RASAL2: variants seen among roughly 807,000 people sequenced by gnomAD.
The protein encoded by RASAL2 is ras GTPase-activating protein nGAP.
In RASAL2, 58 loss-of-function variants were observed where a neutral mutation model predicts 128.9. The ratio of observed to expected loss-of-function variants is 0.45; its 90% CI spans 0.36 to 0.56. The LOEUF (loss-of-function observed/expected upper bound fraction) is 0.56, where lower values mean the gene tolerates loss of function less well. Among genes scored for constraint, RASAL2 ranks in the 20% least tolerant of loss-of-function variants. The pLI is 0.00. For synonymous variants in RASAL2, 561 were observed against 580.8 expected (o/e 0.97, Z 0.49); for missense variants, 1,360 against 1,601.6 (o/e 0.85, Z 2.57).
At position 178,458,389 on chromosome 1, in the gene RASAL2, G is replaced by A; in HGVS notation, c.3097G>A (p.Ala1033Thr). 6.2e-7 allele frequency: 1 copy of A among 1,614,224 alleles called. No individual in the cohort carries two copies. Among genetic ancestry groups the A allele is most frequent in the South Asian group, 1.1e-5 (1 of 91,082 alleles). ...AGCCCCACCATCCCTGCCACACAGT[G>A]CTTCTTTACGTAGCACCGGGAGCAT... ...AKAPPSLPHSASLRSTGSMSV... is the reference protein window; with the variant it reads ...AKAPPSLPHSTSLRSTGSMSV... Residue 1033 changes from alanine to threonine, a missense_variant, in exon 14 of 18, where the codon GCT (alanine) becomes ACT (threonine). Ala to Thr is a moderately conservative substitution (Grantham distance 58). This residue lies in a region of RASAL2 where 741 missense variants were observed against 868.6 expected (regional missense o/e 0.85). Coordinates refer to ENST00000367649, the MANE Select transcript of RASAL2 (RefSeq NM_170692.4).
chr1:178,205,904 T>G (rs1297058978), intron 1 of RASAL2, among the ~76,000 whole-genome samples: 1 of 152,202 alleles, frequency 6.6e-6, no homozygotes, highest in East Asian at 1.9e-4. Flanking sequence ...ATTTCCTAGC[T>G]GATAAATCTA....
At chr1:178,235,248 A>T (rs1664180394) in intron 1 of RASAL2, among the ~76,000 whole-genome samples, 1 of 152,220 alleles carries the variant, frequency 6.6e-6, no homozygotes, top group Non-Finnish European at 1.5e-5. Flanking sequence ...AATGGTTAGC[A>T]TGTGTGCATT....
intron 3 of RASAL2, among the ~76,000 whole-genome samples, chr1:178,373,274 C>CTTATTTTTTTTT (rs1671814280): frequency 1.7e-5 from 1 of 60,072 alleles, no homozygotes; most frequent in Admixed American, 2.3e-4. Flanking sequence ...TGTTTCTTTC[C>CTTATTTTTTTTT]TTTTTTTTTT....
intron 3 of RASAL2, among the ~76,000 whole-genome samples, chr1:178,323,414 T>TA (rs1392837678): frequency 6.6e-6 from 1 of 152,228 alleles, no homozygotes; most frequent in Non-Finnish European, 1.5e-5. Flanking sequence ...AATTTTTTTT[T>TA]ATCCTGAAGG....
At chr1:178,119,857 T>A (rs540277132) in intron 1 of RASAL2, among the ~76,000 whole-genome samples, 2 of 152,188 alleles carry the variant, frequency 1.3e-5, no homozygotes, top group Non-Finnish European at 2.9e-5. Flanking sequence ...CATCTAGTTA[T>A]GGTGCTAGCC....
chr1:178,293,472 G>A (rs1346653776), intron 2 of RASAL2, among the ~76,000 whole-genome samples: 2 of 152,194 alleles, frequency 1.3e-5, no homozygotes, highest in African/African-American at 4.8e-5. Flanking sequence ...AGATCTAAAA[G>A]CTTGAGTGGC....
intron 1 of RASAL2, among the ~76,000 whole-genome samples, chr1:178,136,245 G>A (rs545164321): frequency 1.5e-4 from 23 of 152,228 alleles, no homozygotes; most frequent in Non-Finnish European, 3.1e-4. Context: ...CTTTCAAACA[G>A]AGAGGCAATA....
chr1:178,170,996 A>G (rs770131259), intron 1 of RASAL2, among the ~76,000 whole-genome samples: 6 of 151,846 alleles, frequency 4.0e-5, no homozygotes, highest in Non-Finnish European at 8.8e-5. Context: ...TTCTTGGCAT[A>G]TGCTCTTAAT....
chr1:178,374,981 A>G (rs1186491593), intron 3 of RASAL2, among the ~76,000 whole-genome samples: 1 of 152,168 alleles, frequency 6.6e-6, no homozygotes, highest in African/African-American at 2.4e-5. Flanking sequence ...AACATGAACT[A>G]CGCACAAGTT....
At chr1:178,456,938 A>G (rs747855558) in intron 13 of RASAL2, 39 bp downstream of exon 13, 1 of 1,582,726 alleles carries the variant, frequency 6.3e-7, no homozygotes, top group Non-Finnish European at 8.6e-7. Context: ...TCGGAGAAAC[A>G]TAATGTTTAG....
intron 1 of RASAL2, among the ~76,000 whole-genome samples, chr1:178,277,194 T>TTAATATGA (rs972958118): frequency 5.3e-5 from 8 of 150,534 alleles, no homozygotes; most frequent in African/African-American, 2.0e-4. Flanking sequence ...AATTGGCCTA[T>TTAATATGA]TAATATGATA....
chr1:178,110,650 A>ATATATATATATATATATATATATATG (rs68137228), intron 1 of RASAL2, among the ~76,000 whole-genome samples: 3 of 139,158 alleles, frequency 2.2e-5, no homozygotes, highest in Admixed American at 7.3e-5. Flanking sequence ...ATATATATAT[A>ATATATATATATATATATATATATATG]TATGTATGTA....
chr1:178,308,190 T>C (rs1668082334), intron 3 of RASAL2, among the ~76,000 whole-genome samples: 1 of 152,146 alleles, frequency 6.6e-6, no homozygotes, highest in South Asian at 2.1e-4. Context: ...TAAATACATT[T>C]AAAATTATAA....
At chr1:178,268,417 G>A (rs1267135476) in intron 1 of RASAL2, among the ~76,000 whole-genome samples, 1 of 151,886 alleles carries the variant, frequency 6.6e-6, no homozygotes, top group Non-Finnish European at 1.5e-5. Flanking sequence ...GCAGTGAGCC[G>A]AGATTGCACC....
At chr1:178,100,800 A>T (rs1040235677) in intron 1 of RASAL2, among the ~76,000 whole-genome samples, 9 of 152,202 alleles carry the variant, frequency 5.9e-5, no homozygotes, top group Non-Finnish European at 1.3e-4. Flanking sequence ...TAGGTGAACC[A>T]CAAAAAAGCA....
At position 178,139,515 on chromosome 1, in the gene RASAL2, C is replaced by T. The variant is rs939674224; in HGVS notation, c.202+44821C>T. The stretch of plus-strand genomic sequence containing the variant: ...TTTTAAAAGTTACTCCTTACTATTA[C>T]TCCATATTCTTAACTTTAATTCCCA... On this transcript the variant is annotated intron_variant, in intron 1 of 17. Transcript: ENST00000367649. 3.3e-5 allele frequency among the ~76,000 whole-genome samples: 5 copies of T among 152,204 alleles called. No individual in the cohort carries two copies. In the South Asian group the frequency reaches 6.2e-4, roughly 19 times the overall value.
intron 1 of RASAL2, among the ~76,000 whole-genome samples, chr1:178,207,744 A>G (rs866786597): frequency 1.3e-5 from 2 of 152,190 alleles, no homozygotes; most frequent in Non-Finnish European, 1.5e-5. Flanking sequence ...CCCCACACAC[A>G]TAAGTAACAT....
chr1:178,281,133 C>T (rs1208092917), intron 1 of RASAL2, among the ~76,000 whole-genome samples: 1 of 151,062 alleles, frequency 6.6e-6, no homozygotes, highest in East Asian at 1.9e-4. Context: ...GTTTTTTTTC[C>T]CCCCTTGGTA....
intron 4 of RASAL2, among the ~76,000 whole-genome samples, chr1:178,401,607 G>C (rs1052420183): frequency 3.3e-5 from 5 of 152,126 alleles, no homozygotes; most frequent in Non-Finnish European, 7.3e-5. Flanking sequence ...TCTGTGAATA[G>C]CCACTGAACT....
Sources: gnomAD v4.1 joint callset for allele counts (sites outside exome capture counted in the v4.1 genomes callset) on GRCh38, gnomAD v4.1.1 for gene constraint, gnomAD v4.1.1 regional missense constraint, MANE v1.5 for transcripts, NCBI Gene and HGNC (gene_info 2026-07-23, HGNC 2026-07-21) for gene names.